The following ARK2N variants were observed in gnomAD, a reference collection of about 807,000 sequenced individuals.
ARK2N encodes arkadia (RNF111) N-terminal like PKA signaling regulator 2N.
chr18:46,228,763 GT>G, the ARK2N span: 1 of 398,344 alleles, frequency 2.5e-6, no homozygotes, highest in Admixed American at 4.4e-5. Flanking sequence ...TAGGGACGGG[GT>G]TCTGTTATGT....
the ARK2N span, among the ~76,000 whole-genome samples, chr18:46,210,213 G>A: frequency 6.6e-6 from 1 of 152,238 alleles, no homozygotes; most frequent in East Asian, 1.9e-4. Context: ...TGGAGGTTGT[G>A]TCTAGAGTGG....
At chr18:46,186,733 C>T in the ARK2N span, among the ~76,000 whole-genome samples, 1 of 152,062 alleles carries the variant, frequency 6.6e-6, no homozygotes. Flanking sequence ...TGGTTTTGAA[C>T]TCCTGACCTC....
the ARK2N span, among the ~76,000 whole-genome samples, chr18:46,257,645 T>G: frequency 6.9e-6 from 1 of 145,116 alleles, no homozygotes; most frequent in Non-Finnish European, 1.5e-5. Context: ...AAACTTTTAA[T>G]TTACAAACCT....
the ARK2N span, among the ~76,000 whole-genome samples, chr18:46,186,110 G>A: frequency 6.6e-6 from 1 of 152,112 alleles, no homozygotes; most frequent in Non-Finnish European, 1.5e-5. Context: ...TTCACAAAGA[G>A]CTAGGAGTGT....
At chr18:46,208,751 G>A in the ARK2N span, among the ~76,000 whole-genome samples, 3 of 152,150 alleles carry the variant, frequency 2.0e-5, no homozygotes, top group Admixed American at 6.5e-5. Context: ...ACAGGCGTGA[G>A]CCACCATGCC....
the ARK2N span, among the ~76,000 whole-genome samples, chr18:46,235,386 A>G: frequency 2.6e-5 from 4 of 152,222 alleles, no homozygotes; most frequent in African/African-American, 9.6e-5. Flanking sequence ...CTTGCATGCC[A>G]GTGGTGTACA....
At chr18:46,212,861 T>C in the ARK2N span, among the ~76,000 whole-genome samples, 2 of 152,164 alleles carry the variant, frequency 1.3e-5, no homozygotes, top group African/African-American at 4.8e-5. Context: ...AGTCTGATGC[T>C]GTATTATGTA....
chr18:46,240,295 C>T, the ARK2N span: 7,243 of 1,223,546 alleles, frequency 5.9e-3, 330 homozygotes, highest in African/African-American at 0.098. Flanking sequence ...CCAGAGACAT[C>T]TGGCATTGAA....
the ARK2N span, among the ~76,000 whole-genome samples, chr18:46,193,363 C>T: frequency 6.6e-6 from 1 of 151,828 alleles, no homozygotes; most frequent in Non-Finnish European, 1.5e-5. Context: ...GATCTCGGCT[C>T]ACGGCAACCT....
At chr18:46,232,810 A>G in the ARK2N span, 4 of 152,212 alleles carry the variant, frequency 2.6e-5, no homozygotes, top group African/African-American at 7.2e-5. Flanking sequence ...TATTCCTAAT[A>G]TAACTTTAAG....
chr18:46,253,866 T>C, the ARK2N span: 1 of 1,544,672 alleles, frequency 6.5e-7, no homozygotes, highest in Non-Finnish European at 8.8e-7. Context: ...AAGTTATAAA[T>C]TCTATTTTAA....
chr18:46,244,601 A>ATTTTTTTTTTTTTTTTT, the ARK2N span, among the ~76,000 whole-genome samples: 3 of 93,866 alleles, frequency 3.2e-5, no homozygotes, highest in East Asian at 6.1e-4. Context: ...AAGAGTTTAG[A>ATTTTTTTTTTTTTTTTT]TTTTTTTTTT....
the ARK2N span, among the ~76,000 whole-genome samples, chr18:46,188,919 AAAATC>A: frequency 2.0e-5 from 3 of 152,154 alleles, no homozygotes. Context: ...GCTTCAAAAA[AAAATC>A]AAAGTTGACC....
the ARK2N span, among the ~76,000 whole-genome samples, chr18:46,184,467 A>G: frequency 2.0e-5 from 3 of 152,112 alleles, no homozygotes; most frequent in African/African-American, 7.2e-5. Flanking sequence ...CACACTTGTC[A>G]TCTCAGCACT....
At chr18:46,194,740 C>T in the ARK2N span, among the ~76,000 whole-genome samples, 1 of 150,244 alleles carries the variant, frequency 6.7e-6, no homozygotes, top group Non-Finnish European at 1.5e-5. Flanking sequence ...TCCCAAAGTG[C>T]TGGGATTACA....
the ARK2N span, among the ~76,000 whole-genome samples, chr18:46,199,482 A>ATTT: frequency 4.9e-5 from 4 of 82,406 alleles, no homozygotes; most frequent in Non-Finnish European, 4.8e-5. Flanking sequence ...CACCCAGCTC[A>ATTT]TTTTTTTTTT....
chr18:46,186,140 T>G, the ARK2N span, among the ~76,000 whole-genome samples: 2 of 152,132 alleles, frequency 1.3e-5, no homozygotes, highest in Non-Finnish European at 2.9e-5. Flanking sequence ...ATTATTTTTA[T>G]TGATTGATTT....
chr18:46,200,079 TGTGTGTGTGTGTGC>T, the ARK2N span, among the ~76,000 whole-genome samples: 1,621 of 151,756 alleles, frequency 0.011, 14 homozygotes, highest in Non-Finnish European at 0.018. Context: ...TGTGTGTGTG[TGTGTGTGTGTGTGC>T]GCGCGCGTGC....
the ARK2N span, among the ~76,000 whole-genome samples, chr18:46,239,788 C>T: frequency 6.6e-6 from 1 of 152,144 alleles, no homozygotes; most frequent in Non-Finnish European, 1.5e-5. Context: ...CATAGTAACA[C>T]TCCTTTTCCT....
Sources: gnomAD v4.1 joint callset for allele counts (sites outside exome capture counted in the v4.1 genomes callset) on GRCh38, gnomAD v4.1.1 for gene constraint, MANE v1.5 for transcripts, NCBI Gene and HGNC (gene_info 2026-07-23, HGNC 2026-07-21) for gene names.